Variants in RBFOX1 observed in about 807,000 individuals in gnomAD.
RBFOX1 encodes RNA binding protein fox-1 homolog 1.
In RBFOX1, 8 loss-of-function variants were observed where a neutral mutation model predicts 57.7. The observed-to-expected ratio is 0.14, with a 90% CI of 0.08 to 0.25. The LOEUF is 0.25. RBFOX1 is among the 10% of genes least tolerant of loss of function. RBFOX1 has a pLI of 1.00. For missense variants in RBFOX1, 611 were observed against 548.5 expected (o/e 1.11, Z -1.14); for synonymous variants, 326 against 222.4 (o/e 1.47, Z -4.15).
intron 1 of RBFOX1, among the ~76,000 whole-genome samples, chr16:5,297,225 C>A (rs974563626): frequency 3.2e-4 from 49 of 152,160 alleles, no homozygotes; most frequent in Admixed American, 3.2e-3. Context: ...CATGGGAGTG[C>A]AAATATCTCT....
intron 3 of RBFOX1, among the ~76,000 whole-genome samples, chr16:5,776,602 A>T (rs1181565909): frequency 6.6e-6 from 1 of 152,212 alleles, no homozygotes; most frequent in East Asian, 1.9e-4. Flanking sequence ...TGAAGAACGA[A>T]TGTGGCATTG....
chr16:6,604,418 C>A (rs2097898507), intron 2 of RBFOX1, among the ~76,000 whole-genome samples: 1 of 152,002 alleles, frequency 6.6e-6, no homozygotes, highest in Non-Finnish European at 1.5e-5. Context: ...TTTAAGTGAT[C>A]TTCCCATCTC....
At chr16:6,513,246 G>A (rs1280017963) in intron 2 of RBFOX1, among the ~76,000 whole-genome samples, 1 of 152,170 alleles carries the variant, frequency 6.6e-6, no homozygotes, top group Admixed American at 6.5e-5. Context: ...GTGAATGCTG[G>A]GCACTTAGCA....
At chr16:5,293,061 C>G (rs1424787177) in intron 1 of RBFOX1, among the ~76,000 whole-genome samples, 1 of 152,016 alleles carries the variant, frequency 6.6e-6, no homozygotes, top group Non-Finnish European at 1.5e-5. Flanking sequence ...TGGCTCATGC[C>G]TGTAATGCCA....
chr16:6,766,773 T>C (rs968829877), intron 3 of RBFOX1, among the ~76,000 whole-genome samples: 6 of 152,118 alleles, frequency 3.9e-5, no homozygotes, highest in African/African-American at 1.2e-4. Context: ...ACACCAGTGA[T>C]GGTCTTCATA....
Position 7,710,857 on chromosome 16 carries a change from A to AAT in RBFOX1, c.*114_*115dup. On this transcript the variant is annotated 3_prime_UTR_variant, in exon 16 of 16. Transcript: ENST00000550418. The stretch of plus-strand genomic sequence containing the variant: ...TTTTAGCAACTCTAAAAAAAAAAAA[A>AAT]ATACAAATAAAAAGGAAAAAAAATT... The AAT allele has an allele frequency of 9.5e-7, 1 of 1,049,268 alleles. No homozygotes were observed. Among genetic ancestry groups the AAT allele is most frequent in the Non-Finnish European group, 1.3e-6 (1 of 798,860 alleles). 65.0% of individuals were successfully genotyped at this position (1,049,268 alleles called of 1,614,324 possible). A position where few individuals can be genotyped will look rare whatever the true frequency, so the allele number is the denominator to read the frequency against.
At chr16:7,078,145 C>G (rs369561790) in intron 4 of RBFOX1, among the ~76,000 whole-genome samples, 1 of 152,170 alleles carries the variant, frequency 6.6e-6, no homozygotes, top group Non-Finnish European at 1.5e-5. Context: ...TCTTTCTCAT[C>G]TTTAGTCTCT....
intron 2 of RBFOX1, among the ~76,000 whole-genome samples, chr16:5,495,644 G>T (rs192682213): frequency 5.9e-5 from 9 of 152,192 alleles, no homozygotes. Context: ...CATGGTGCTG[G>T]ATTTGACCTA....
chr16:6,979,225 T>C (rs1225243441), intron 3 of RBFOX1, among the ~76,000 whole-genome samples: 1 of 152,100 alleles, frequency 6.6e-6, no homozygotes, highest in Non-Finnish European at 1.5e-5. Flanking sequence ...TTCCCACCTG[T>C]AAGAGGTGAA....
chr16:7,258,833 C>G (rs1444801133), intron 4 of RBFOX1, among the ~76,000 whole-genome samples: 1 of 152,008 alleles, frequency 6.6e-6, no homozygotes, highest in Admixed American at 6.5e-5. Context: ...TTTGAATTTA[C>G]AAGTAAGAGA....
chr16:7,061,353 C>T (rs7189820), intron 4 of RBFOX1, among the ~76,000 whole-genome samples: 2,742 of 152,170 alleles, frequency 0.018, 86 homozygotes, highest in African/African-American at 0.061. Flanking sequence ...AATTGATGAA[C>T]GCAAGGAAAT....
At chr16:7,206,573 T>A (rs1197888963) in intron 4 of RBFOX1, among the ~76,000 whole-genome samples, 1 of 152,012 alleles carries the variant, frequency 6.6e-6, no homozygotes, top group Non-Finnish European at 1.5e-5. Flanking sequence ...GCCAATCATA[T>A]GGGTTAAGGC....
At chr16:5,558,935 A>G (rs1473843675) in intron 2 of RBFOX1, among the ~76,000 whole-genome samples, 1 of 152,168 alleles carries the variant, frequency 6.6e-6, no homozygotes, top group African/African-American at 2.4e-5. Context: ...GGAATCCACA[A>G]GCCTTGAGCT....
exon 2 of RBFOX1, chr16:5,467,235 A>G (rs1407152489): frequency 6.6e-7 from 1 of 1,503,934 alleles, no homozygotes; most frequent in African/African-American, 1.4e-5. Flanking sequence ...TGCCTGCCAT[A>G]CAGCCTGGTT....
In RBFOX1 at chr16:6,936,632, A is replaced by G. The variant is rs147089494; in HGVS notation, c.-15-115425A>G. On this transcript the variant is annotated intron_variant, in intron 3 of 15. Transcript: ENST00000550418. ...CCTATAAAATATTCACAGAAGCACT[A>G]TAAGGTAATTATGACTATGACCGCT... Among the ~76,000 whole-genome samples the G allele has an allele frequency of 1.8e-4, 28 of 152,270 alleles. No individual in the cohort carries two copies. In the East Asian group the frequency reaches 2.5e-3, roughly 14 times the overall value.
intron 2 of RBFOX1, among the ~76,000 whole-genome samples, chr16:5,538,049 A>T (rs561826372): frequency 1.1e-3 from 162 of 152,266 alleles, no homozygotes; most frequent in Non-Finnish European, 1.9e-3. Flanking sequence ...TTGGTGACAC[A>T]CGAGCCTGGA....
intron 4 of RBFOX1, among the ~76,000 whole-genome samples, chr16:7,262,601 G>C (rs1278891893): frequency 6.6e-6 from 1 of 152,242 alleles, no homozygotes; most frequent in South Asian, 2.1e-4. Flanking sequence ...ATTCCCTGTG[G>C]CTGCTGCAGT....
At chr16:7,669,348 A>T (rs1307245786) in intron 13 of RBFOX1, among the ~76,000 whole-genome samples, 2 of 152,328 alleles carry the variant, frequency 1.3e-5, no homozygotes, top group African/African-American at 4.8e-5. Flanking sequence ...AACTATTAAT[A>T]TTACAAATGA....
chr16:6,656,213 T>C (rs1464419929), intron 3 of RBFOX1, among the ~76,000 whole-genome samples: 3 of 152,198 alleles, frequency 2.0e-5, no homozygotes, highest in Non-Finnish European at 4.4e-5. Flanking sequence ...TGTCAGAGTG[T>C]TTAGAAAGCA....
Sources: allele counts gnomAD v4.1 joint callset (sites outside exome capture counted in the v4.1 genomes callset), GRCh38; gene constraint gnomAD v4.1.1; transcripts MANE v1.5; gene names NCBI Gene and HGNC (gene_info 2026-07-23, HGNC 2026-07-21).